OPCML: variants seen among roughly 807,000 people sequenced by gnomAD.
OPCML encodes the protein opioid-binding protein/cell adhesion molecule.
A neutral mutation model predicts 37.8 loss-of-function variants in OPCML; 13 were observed. That is an observed-to-expected ratio of 0.34 (90% CI 0.22 to 0.55). OPCML has a LOEUF of 0.55. Ranked by LOEUF, OPCML falls within the 20% of genes least tolerant of loss-of-function variation. OPCML has a pLI of 0.91. For missense variants in OPCML, 341 were observed against 435.6 expected, an observed-to-expected ratio of 0.78 and a Z score of 1.93; for synonymous variants, 176 against 168.8, an observed-to-expected ratio of 1.04 and a Z score of -0.33.
At chr11:133,055,106 G>A (rs11223343) in intron 1 of OPCML, among the ~76,000 whole-genome samples, 25 of 140,080 alleles carry the variant, frequency 1.8e-4, no homozygotes, top group Non-Finnish European at 2.3e-4. Flanking sequence ...CGCCTCTACC[G>A]TACAATGCTG....
At chr11:132,817,549 G>A (rs1029119256) in intron 2 of OPCML, among the ~76,000 whole-genome samples, 4 of 152,122 alleles carry the variant, frequency 2.6e-5, no homozygotes, top group African/African-American at 9.7e-5. Flanking sequence ...AATAAGGTTT[G>A]TTTTTCTGGA....
chr11:133,260,935 A>G (rs1327111419), intron 1 of OPCML, among the ~76,000 whole-genome samples: 2 of 152,196 alleles, frequency 1.3e-5, no homozygotes, highest in Non-Finnish European at 2.9e-5. Flanking sequence ...TGGAGGACAG[A>G]GGCAGAAGAC....
In OPCML at chr11:132,418,643, C is replaced by A. The variant is rs1402383169; in HGVS notation, c.*1550G>T. 6.6e-6 allele frequency: 1 copy of A among 152,606 alleles called. No homozygotes were observed. The highest frequency in any genetic ancestry group is 2.4e-5 in the African/African-American group (1 of 41,448). 9.5% of individuals were successfully genotyped at this position (152,606 alleles called of 1,614,324 possible). A position where few individuals can be genotyped will look rare whatever the true frequency, so the allele number is the denominator to read the frequency against. ...TCAATACACCCGCCATGTAATTGGC[C>A]TCCATCAGCTTTTTACTGGATAGTT... On this transcript the variant is annotated 3_prime_UTR_variant, in exon 8 of 8. Transcript: ENST00000524381.
At chr11:132,543,495 G>A (rs1302824029) in intron 3 of OPCML, among the ~76,000 whole-genome samples, 2 of 151,546 alleles carry the variant, frequency 1.3e-5, no homozygotes, top group African/African-American at 4.9e-5. Flanking sequence ...CCTGGAGTAC[G>A]GTGTCTCCAA....
At chr11:132,622,960 A>G (rs2137929422) in intron 3 of OPCML, among the ~76,000 whole-genome samples, 1 of 152,280 alleles carries the variant, frequency 6.6e-6, no homozygotes, top group East Asian at 1.9e-4. Context: ...CAACTTCCTC[A>G]ACTCTAAATG....
At chr11:133,478,851 G>A (rs1322578321) in intron 1 of OPCML, among the ~76,000 whole-genome samples, 2 of 148,666 alleles carry the variant, frequency 1.3e-5, no homozygotes, top group African/African-American at 5.1e-5. Context: ...TTTCAATTCT[G>A]AATGCCTGCT....
intron 4 of OPCML, among the ~76,000 whole-genome samples, chr11:132,465,507 GTTTA>G (rs374554872): frequency 9.9e-5 from 15 of 151,220 alleles, no homozygotes; most frequent in African/African-American, 2.4e-4. Context: ...TATATTTCCT[GTTTA>G]TTTAATCAAT....
chr11:133,521,507 T>C (rs78450513), intron 1 of OPCML, among the ~76,000 whole-genome samples: 7,047 of 152,288 alleles, frequency 0.046, 208 homozygotes, highest in South Asian at 0.098. Flanking sequence ...TAAGGTAGTA[T>C]CCATTGACTC....
chr11:132,991,375 C>A (rs1946772569), intron 1 of OPCML, among the ~76,000 whole-genome samples: 1 of 152,148 alleles, frequency 6.6e-6, no homozygotes, highest in South Asian at 2.1e-4. Context: ...AGAACAAAAT[C>A]TACTAATTAA....
chr11:132,477,204 G>A (rs1205706254), intron 4 of OPCML, among the ~76,000 whole-genome samples: 2 of 152,144 alleles, frequency 1.3e-5, no homozygotes, highest in South Asian at 2.1e-4. Context: ...GGCTCTTGAA[G>A]CCAAGTCCCC....
chr11:133,048,364 T>A (rs763045271), intron 1 of OPCML, among the ~76,000 whole-genome samples: 1 of 152,038 alleles, frequency 6.6e-6, no homozygotes, highest in Non-Finnish European at 1.5e-5. Flanking sequence ...CAGTTCTGAT[T>A]AACCACTGTG....
intron 2 of OPCML, among the ~76,000 whole-genome samples, chr11:132,899,684 T>G (rs1943978821): frequency 6.6e-6 from 1 of 151,844 alleles, no homozygotes. Context: ...TATTTTGGGG[T>G]GTGTCTGTAG....
chr11:132,840,760 T>C (rs917513162), intron 2 of OPCML, among the ~76,000 whole-genome samples: 1 of 152,160 alleles, frequency 6.6e-6, no homozygotes, highest in African/African-American at 2.4e-5. Flanking sequence ...GGGTGGGAAT[T>C]CTTTTTCAGG....
At chr11:133,045,961 T>A (rs1021085068) in intron 1 of OPCML, among the ~76,000 whole-genome samples, 1 of 152,210 alleles carries the variant, frequency 6.6e-6, no homozygotes, top group Non-Finnish European at 1.5e-5. Flanking sequence ...TAGGAGTTAC[T>A]GCTTAGCATG....
At chr11:133,457,709 T>C (rs934603907) in intron 1 of OPCML, among the ~76,000 whole-genome samples, 18 of 152,186 alleles carry the variant, frequency 1.2e-4, no homozygotes, top group Middle Eastern at 6.8e-3. Flanking sequence ...ATAGCAAAAC[T>C]GTTATTCAAA....
chr11:132,926,318 C>CAGCTTGGA (rs1236533580), intron 2 of OPCML, among the ~76,000 whole-genome samples: 1 of 152,132 alleles, frequency 6.6e-6, no homozygotes, highest in Non-Finnish European at 1.5e-5. Context: ...AAACCAAAAG[C>CAGCTTGGA]AGCTTGGATC....
intron 1 of OPCML, among the ~76,000 whole-genome samples, chr11:133,023,564 G>C (rs185223796): frequency 6.6e-6 from 1 of 152,262 alleles, no homozygotes; most frequent in East Asian, 1.9e-4. Flanking sequence ...TCAATAACTG[G>C]TTTTAAAAAA....
At chr11:132,609,031 A>T (rs989100593) in intron 3 of OPCML, among the ~76,000 whole-genome samples, 6 of 152,036 alleles carry the variant, frequency 3.9e-5, no homozygotes, top group African/African-American at 1.4e-4. Context: ...CTGTCTTACT[A>T]TGATGCAGGC....
At chr11:133,246,709 T>C (rs1482274470) in intron 1 of OPCML, among the ~76,000 whole-genome samples, 1 of 152,228 alleles carries the variant, frequency 6.6e-6, no homozygotes, top group Non-Finnish European at 1.5e-5. Context: ...TTTTCAACGT[T>C]TTTTGAGTAA....
Sources: allele counts gnomAD v4.1 joint callset (sites outside exome capture counted in the v4.1 genomes callset), GRCh38; gene constraint gnomAD v4.1.1; transcripts MANE v1.5; gene names NCBI Gene and HGNC (gene_info 2026-07-23, HGNC 2026-07-21).